MTDH: variants seen among roughly 807,000 people sequenced by gnomAD.
MTDH encodes metadherin, also known as protein LYRIC.
A neutral mutation model predicts 72.7 loss-of-function variants in MTDH; 34 were observed. The ratio of observed to expected loss-of-function variants is 0.47; its 90% confidence interval spans 0.36 to 0.62. The LOEUF is 0.62. Ranked by LOEUF, MTDH falls within the 20% of genes least tolerant of loss-of-function variation. The pLI is 0.00. For synonymous variants in MTDH, 266 were observed against 268.9 expected, an observed-to-expected ratio of 0.99 and a Z score of 0.10; for missense variants, 677 against 699.4, an observed-to-expected ratio of 0.97 and a Z score of 0.36.
intron 2 of MTDH, among the ~76,000 whole-genome samples, chr8:97,662,088 C>T (rs553747673): frequency 9.9e-5 from 15 of 152,046 alleles, no homozygotes; most frequent in African/African-American, 3.6e-4. Flanking sequence ...CTTAATCTAG[C>T]TTGGAAGTAG....
chr8:97,718,337 A>G (rs536176025), intron 9 of MTDH, among the ~76,000 whole-genome samples: 1 of 152,232 alleles, frequency 6.6e-6, no homozygotes, highest in African/African-American at 2.4e-5. Flanking sequence ...GCCACTGCCA[A>G]ATCTATCCCT....
chr8:97,656,996 GT>G (rs1384343486), intron 1 of MTDH, among the ~76,000 whole-genome samples: 1 of 150,378 alleles, frequency 6.6e-6, no homozygotes, highest in East Asian at 1.9e-4. Context: ...AAAAAAAAAA[GT>G]TATGGAATTG....
At chr8:97,691,857 G>A (rs1334225688) in intron 6 of MTDH, among the ~76,000 whole-genome samples, 1 of 151,522 alleles carries the variant, frequency 6.6e-6, no homozygotes, top group African/African-American at 2.4e-5. Context: ...ACTGTATATA[G>A]TGTTTTTTGT....
intron 10 of MTDH, among the ~76,000 whole-genome samples, chr8:97,722,142 T>C (rs1418639009): frequency 6.6e-6 from 1 of 152,186 alleles, no homozygotes; most frequent in African/African-American, 2.4e-5. Flanking sequence ...TTCACGCCTA[T>C]AATCCCAGCT....
intron 6 of MTDH, among the ~76,000 whole-genome samples, chr8:97,693,772 G>A (rs1813714018): frequency 6.6e-6 from 1 of 152,062 alleles, no homozygotes; most frequent in South Asian, 2.1e-4. Context: ...CTGGAGTGCA[G>A]TGGTGTGATC....
intron 2 of MTDH, among the ~76,000 whole-genome samples, chr8:97,676,915 G>A (rs2130971779): frequency 6.9e-6 from 1 of 144,252 alleles, no homozygotes; most frequent in East Asian, 2.1e-4. Flanking sequence ...TGAGACAGGA[G>A]TATTGCTTGA....
chr8:97,662,221 A>G (rs1440570438), intron 2 of MTDH, among the ~76,000 whole-genome samples: 1 of 150,256 alleles, frequency 6.7e-6, no homozygotes, highest in Non-Finnish European at 1.5e-5. Context: ...ATATAGAGAC[A>G]GGGGTCTCAC....
At chr8:97,645,978 A>T (rs1454199300) in intron 1 of MTDH, among the ~76,000 whole-genome samples, 2 of 152,198 alleles carry the variant, frequency 1.3e-5, no homozygotes, top group South Asian at 4.1e-4. Flanking sequence ...GGGCAGTGCA[A>T]GGTATACACG....
rs1204672391 is a variant in MTDH, at chr8:97,644,477, A to G, written c.-30A>G. 13 of 1,540,092 alleles carry G rather than the reference A, an allele frequency of 8.4e-6. No individual in the cohort carries two copies. The highest frequency in any genetic ancestry group is 1.2e-5 in the South Asian group (1 of 84,094). On this transcript the variant is annotated 5_prime_UTR_variant, in exon 1 of 12. Coordinates refer to ENST00000336273, the MANE Select transcript of MTDH (RefSeq NM_178812.4). The stretch of plus-strand genomic sequence containing the variant: ...CACTGCGTCTCCGCGCCCCGGCGTC[A>G]TCCTGCGAGTCCCTCTGACGGGAGG...
chr8:97,713,803 G>A (rs1318131871), intron 9 of MTDH, 34 bp downstream of exon 9: 11 of 1,278,240 alleles, frequency 8.6e-6, no homozygotes, highest in Admixed American at 7.9e-5. Flanking sequence ...TTCATTAAGC[G>A]CCTCCGGCTT....
At chr8:97,710,193 G>T (rs1814563415) in intron 8 of MTDH, among the ~76,000 whole-genome samples, 1 of 152,046 alleles carries the variant, frequency 6.6e-6, no homozygotes, top group South Asian at 2.1e-4. Context: ...CCATCTGCTT[G>T]TAATTTCTGT....
intron 2 of MTDH, among the ~76,000 whole-genome samples, chr8:97,680,561 AT>A (rs1169486142): frequency 1.3e-5 from 2 of 152,134 alleles, no homozygotes; most frequent in African/African-American, 2.4e-5. Context: ...TAACACAAAG[AT>A]TTTTTTCTAA....
chr8:97,690,436 A>C (rs1813552840), intron 5 of MTDH, among the ~76,000 whole-genome samples: 1 of 152,232 alleles, frequency 6.6e-6, no homozygotes, highest in African/African-American at 2.4e-5. Context: ...ACAGGTACTT[A>C]TCTATACACA....
chr8:97,687,734 C>G (rs182375779), intron 4 of MTDH, 129 bp downstream of exon 4: 1 of 749,642 alleles, frequency 1.3e-6, no homozygotes, highest in Non-Finnish European at 2.0e-6. Context: ...TACCCTTCTT[C>G]ATGAGAGTAT....
At chr8:97,665,457 C>T (rs1246062192) in intron 2 of MTDH, among the ~76,000 whole-genome samples, 2 of 152,076 alleles carry the variant, frequency 1.3e-5, no homozygotes, top group Non-Finnish European at 2.9e-5. Context: ...GATGTACTTA[C>T]CCTCAGATTA....
At chr8:97,648,176 C>T (rs1022651727) in intron 1 of MTDH, among the ~76,000 whole-genome samples, 1 of 151,862 alleles carries the variant, frequency 6.6e-6, no homozygotes, top group East Asian at 1.9e-4. Flanking sequence ...TGCCATAGAT[C>T]TTTTAGGGTA....
rs772499211 is a variant in MTDH, at chr8:97,682,099, A to G, written c.484-4569A>G. On this transcript the variant is annotated intron_variant, in intron 2 of 11. Transcript: ENST00000336273. ...AAGTCTTAGCTAAAGTGGAGCTGCTAAGAAGTAAGATGTTTGCTTCAGTAG... is the reference window on the plus strand; with the variant it reads ...AAGTCTTAGCTAAAGTGGAGCTGCTGAGAAGTAAGATGTTTGCTTCAGTAG... Among the ~76,000 whole-genome samples, 4 of 151,384 alleles carry G rather than the reference A, an allele frequency of 2.6e-5. No individual in the cohort carries two copies. The East Asian group carries it at 7.7e-4, about 29-fold the overall frequency.
chr8:97,713,375 G>A lies in MTDH; in HGVS notation c.1273-287G>A, dbSNP rs549624664. Among the ~76,000 whole-genome samples, 219 of 152,202 alleles carry A rather than the reference G, an allele frequency of 1.4e-3. 1 individual carries two copies. The highest frequency in any genetic ancestry group is 5.1e-3 in the African/African-American group (211 of 41,538). On this transcript the variant is annotated intron_variant, in intron 8 of 11. Coordinates refer to ENST00000336273, the MANE Select transcript of MTDH (RefSeq NM_178812.4). ...GCTGGGATTACAGGCATGAACCACC[G>A]TGCCCAGCCTCAGTGAGTTTTTAAA...
intron 9 of MTDH, among the ~76,000 whole-genome samples, chr8:97,715,287 C>G (rs1275833887): frequency 1.3e-5 from 2 of 151,852 alleles, no homozygotes; most frequent in Admixed American, 6.6e-5. Flanking sequence ...GCCACCACAC[C>G]CAGCTAATTT....
Sources: allele counts gnomAD v4.1 joint callset (sites outside exome capture counted in the v4.1 genomes callset), GRCh38; gene constraint gnomAD v4.1.1; transcripts MANE v1.5; gene names NCBI Gene and HGNC (gene_info 2026-07-23, HGNC 2026-07-21).